The following EDIL3 variants were observed in gnomAD, a reference collection of about 807,000 sequenced individuals.
EDIL3 encodes the protein EGF-like repeat and discoidin I-like domain-containing protein 3.
Under a neutral mutation model 67.4 loss-of-function variants are expected in EDIL3, and 37 were observed. That is an observed-to-expected ratio of 0.55 (90% CI 0.42 to 0.72). EDIL3 has a LOEUF of 0.72. Among genes scored for constraint, EDIL3 ranks in the 30% least tolerant of loss-of-function variants. The probability of loss-of-function intolerance (pLI) is 0.00; values close to 1 mark genes in which losing one functional copy is unlikely to be tolerated. For synonymous variants in EDIL3, 195 were observed against 196.3 expected, an observed-to-expected ratio of 0.99 and a Z score of 0.05; for missense variants, 527 against 586.3, an observed-to-expected ratio of 0.90 and a Z score of 1.04.
intron 9 of EDIL3, chr5:84,047,461 T>C (rs1222668767): frequency 6.6e-6 from 1 of 152,168 alleles, no homozygotes; most frequent in African/African-American, 2.4e-5. Context: ...ATTCATTGTA[T>C]AAAAGTTAAC....
At chr5:84,261,027 T>A (rs1439861449) in intron 1 of EDIL3, among the ~76,000 whole-genome samples, 1 of 152,212 alleles carries the variant, frequency 6.6e-6, no homozygotes, top group Non-Finnish European at 1.5e-5. Flanking sequence ...TACAACCTCA[T>A]CTTCAATCTA....
chr5:83,998,146 C>A (rs1044580261), intron 9 of EDIL3, among the ~76,000 whole-genome samples: 1 of 152,316 alleles, frequency 6.6e-6, no homozygotes, highest in Non-Finnish European at 1.5e-5. Context: ...CAGTGAGACA[C>A]TAGCTAGGGC....
rs545543041 is a variant in EDIL3, at chr5:84,346,832, A to G, written c.67+37476T>C. 1.2e-4 allele frequency among the ~76,000 whole-genome samples: 19 copies of G among 152,314 alleles called. No homozygotes were observed. The East Asian group carries it at 1.4e-3, about 11-fold the overall frequency. On this transcript the variant is annotated intron_variant, in intron 1 of 10. Coordinates refer to ENST00000296591, the MANE Select transcript of EDIL3 (RefSeq NM_005711.5). ...ATAATCATCATGTTTCTGTATCAGGACAGCCTATATGAGAATGTCCAACAC... is the reference window on the plus strand; with the variant it reads ...ATAATCATCATGTTTCTGTATCAGGGCAGCCTATATGAGAATGTCCAACAC...
chr5:84,055,217 C>T (rs943909716), intron 9 of EDIL3, among the ~76,000 whole-genome samples: 4 of 146,348 alleles, frequency 2.7e-5, no homozygotes, highest in Admixed American at 2.0e-4. Flanking sequence ...GAAAGGATTC[C>T]CTGTTTAACA....
intron 9 of EDIL3, among the ~76,000 whole-genome samples, chr5:83,995,101 C>T (rs1317648845): frequency 6.6e-6 from 1 of 151,742 alleles, no homozygotes; most frequent in Non-Finnish European, 1.5e-5. Context: ...TTCAGTGACA[C>T]TTGAAAAAAC....
chr5:84,025,050 T>G (rs2112196310), intron 9 of EDIL3, among the ~76,000 whole-genome samples: 1 of 152,258 alleles, frequency 6.6e-6, no homozygotes, highest in African/African-American at 2.4e-5. Flanking sequence ...GTAGATATTT[T>G]TGTGTCCTGT....
chr5:84,089,818 A>G (rs1048223487), intron 6 of EDIL3, among the ~76,000 whole-genome samples: 2 of 152,172 alleles, frequency 1.3e-5, no homozygotes, highest in Non-Finnish European at 2.9e-5. Flanking sequence ...AGCTTTCTCC[A>G]TCCCCAGTGC....
intron 5 of EDIL3, among the ~76,000 whole-genome samples, chr5:84,124,608 T>G (rs1393272180): frequency 6.6e-6 from 1 of 151,988 alleles, no homozygotes; most frequent in African/African-American, 2.4e-5. Context: ...TCTTATCATA[T>G]TGGCTTATCA....
At chr5:84,217,368 T>C (rs1021497207) in intron 3 of EDIL3, among the ~76,000 whole-genome samples, 6 of 152,220 alleles carry the variant, frequency 3.9e-5, no homozygotes, top group Non-Finnish European at 7.3e-5. Context: ...TCTGAGATAG[T>C]TAAATTTTAC....
chr5:84,243,518 G>T (rs1744840428), intron 2 of EDIL3, among the ~76,000 whole-genome samples: 2 of 151,866 alleles, frequency 1.3e-5, no homozygotes, highest in South Asian at 4.2e-4. Flanking sequence ...TGAGTTCTGT[G>T]TCCAGTGGCT....
chr5:83,945,118 T>A (rs1356900522), intron 10 of EDIL3, among the ~76,000 whole-genome samples: 1 of 152,036 alleles, frequency 6.6e-6, no homozygotes, highest in Non-Finnish European at 1.5e-5. Flanking sequence ...CTCTGCTGGT[T>A]CTGCTGGCAT....
chr5:84,283,998 C>A (rs1745759980), intron 1 of EDIL3, among the ~76,000 whole-genome samples: 1 of 151,982 alleles, frequency 6.6e-6, no homozygotes, highest in Non-Finnish European at 1.5e-5. Flanking sequence ...TATTCTACCT[C>A]CTAAAACATC....
intron 1 of EDIL3, among the ~76,000 whole-genome samples, chr5:84,370,064 T>G (rs1413388085): frequency 1.3e-5 from 2 of 152,194 alleles, no homozygotes; most frequent in African/African-American, 4.8e-5. Flanking sequence ...ATTTTACAGT[T>G]TTTATTTTAT....
intron 1 of EDIL3, among the ~76,000 whole-genome samples, chr5:84,355,448 G>A (rs917261521): frequency 7.9e-5 from 12 of 151,936 alleles, no homozygotes; most frequent in African/African-American, 2.9e-4. Context: ...TAGCTCAGAA[G>A]AGTTTATTAC....
chr5:83,970,828 C>A (rs1289490327), intron 9 of EDIL3, among the ~76,000 whole-genome samples: 2 of 151,326 alleles, frequency 1.3e-5, no homozygotes, highest in African/African-American at 4.8e-5. Context: ...CAGTATATAT[C>A]TTGATAAAGG....
intron 1 of EDIL3, among the ~76,000 whole-genome samples, chr5:84,319,899 G>A (rs1357980779): frequency 6.6e-6 from 1 of 151,988 alleles, no homozygotes; most frequent in Non-Finnish European, 1.5e-5. Flanking sequence ...AGTAACACAA[G>A]AAGAGAAAAC....
intron 2 of EDIL3, among the ~76,000 whole-genome samples, chr5:84,234,053 A>G (rs1299278040): frequency 2.6e-5 from 4 of 152,188 alleles, no homozygotes; most frequent in African/African-American, 9.6e-5. Flanking sequence ...ATTTACATCT[A>G]AATGGCAATC....
rs190415144 is a variant in EDIL3, at chr5:84,339,007, T to C, written c.67+45301A>G. Among the ~76,000 whole-genome samples the C allele has an allele frequency of 2.0e-3, 311 of 152,268 alleles. 1 individual carries two copies. Among genetic ancestry groups the C allele is most frequent in the African/African-American group, 6.8e-3 (284 of 41,568 alleles). On this transcript the variant is annotated intron_variant, in intron 1 of 10. Transcript: ENST00000296591. ...CTATTCATCCCTCCCCTTCCTTCTGTCCACCCTTTCTCTTTTGTGTACTGG... is the reference window on the plus strand; with the variant it reads ...CTATTCATCCCTCCCCTTCCTTCTGCCCACCCTTTCTCTTTTGTGTACTGG...
intron 1 of EDIL3, among the ~76,000 whole-genome samples, chr5:84,311,922 A>G (rs1160009456): frequency 6.6e-6 from 1 of 152,218 alleles, no homozygotes; most frequent in South Asian, 2.1e-4. Context: ...AATTTTTCTT[A>G]GTACAGAACA....
Sources: gnomAD v4.1 joint callset for allele counts (sites outside exome capture counted in the v4.1 genomes callset) on GRCh38, gnomAD v4.1.1 for gene constraint, MANE v1.5 for transcripts, NCBI Gene and HGNC (gene_info 2026-07-23, HGNC 2026-07-21) for gene names.